Variants in ADK observed in about 807,000 individuals in gnomAD.
ADK encodes adenosine kinase, also known as N6,N6-dimethyladenosine kinase.
In ADK, 24 loss-of-function variants were observed where a neutral mutation model predicts 44.7. The ratio of observed to expected loss-of-function variants is 0.54; its 90% CI spans 0.39 to 0.76. The LOEUF (loss-of-function observed/expected upper bound fraction) is 0.76. Ranked by LOEUF, ADK falls within the 30% of genes least tolerant of loss-of-function variation. ADK has a pLI of 0.00. For synonymous variants in ADK, 128 were observed against 142.6 expected, an observed-to-expected ratio of 0.90 and a Z score of 0.73; for missense variants, 321 against 425.1, an observed-to-expected ratio of 0.76 and a Z score of 2.15.
At chr10:74,286,794 T>C (rs1174943669) in intron 3 of ADK, among the ~76,000 whole-genome samples, 1 of 152,230 alleles carries the variant, frequency 6.6e-6, no homozygotes, top group Admixed American at 6.5e-5. Context: ...GATTCGCATG[T>C]ATTATCACAC....
intron 6 of ADK, among the ~76,000 whole-genome samples, chr10:74,470,182 A>T (rs981205045): frequency 4.0e-5 from 6 of 151,654 alleles, no homozygotes; most frequent in African/African-American, 1.5e-4. Context: ...GCGCAACCAC[A>T]CCTGACTAAT....
At chr10:74,683,381 T>C (rs1855683761) in intron 10 of ADK, among the ~76,000 whole-genome samples, 1 of 152,176 alleles carries the variant, frequency 6.6e-6, no homozygotes, top group South Asian at 2.1e-4. Flanking sequence ...TGTCAAAACA[T>C]CCAAGGCCTC....
intron 4 of ADK, among the ~76,000 whole-genome samples, chr10:74,380,233 A>T (rs1418778536): frequency 6.6e-6 from 1 of 152,212 alleles, no homozygotes; most frequent in Non-Finnish European, 1.5e-5. Flanking sequence ...AAGTAACAGG[A>T]TGGTACCTGG....
intron 7 of ADK, among the ~76,000 whole-genome samples, chr10:74,575,932 A>G (rs1851168494): frequency 6.6e-6 from 1 of 152,164 alleles, no homozygotes; most frequent in South Asian, 2.1e-4. Flanking sequence ...ATTGGAAACA[A>G]GAGTTTTAGG....
At chr10:74,176,384 G>A (rs1842337368) in intron 1 of ADK, 2 of 922,748 alleles carry the variant, frequency 2.2e-6, no homozygotes, top group Non-Finnish European at 2.6e-6. Flanking sequence ...TCCCACTCCC[G>A]AAGACCTGCC....
chr10:74,306,851 T>C lies in ADK; in HGVS notation c.195-7816T>C, dbSNP rs372931125. On this transcript the variant is annotated intron_variant, in intron 3 of 10. Coordinates refer to ENST00000539909, the MANE Select transcript of ADK (RefSeq NM_006721.4). The stretch of plus-strand genomic sequence containing the variant: ...GAGGGTACCAAACTGACCTCAGAGG[T>C]TTCCAGGTTAATGCAGAGGTTTCTA... Among the ~76,000 whole-genome samples, 25 of 152,088 alleles carry C rather than the reference T, an allele frequency of 1.6e-4. 1 individual carries two copies. Among genetic ancestry groups the C allele is most frequent in the African/African-American group, 1.2e-4 (5 of 41,416 alleles).
At chr10:74,502,095 T>G (rs915174013) in intron 6 of ADK, among the ~76,000 whole-genome samples, 5 of 152,098 alleles carry the variant, frequency 3.3e-5, no homozygotes, top group Admixed American at 6.5e-5. Context: ...ATGAAAAAAC[T>G]AAAACTCATC....
chr10:74,307,290 C>T (rs1206679309), intron 3 of ADK, among the ~76,000 whole-genome samples: 2 of 152,196 alleles, frequency 1.3e-5, no homozygotes, highest in African/African-American at 2.4e-5. Flanking sequence ...CATTCAGTTT[C>T]AGAATTCAGC....
intron 7 of ADK, among the ~76,000 whole-genome samples, chr10:74,576,944 C>T (rs558953149): frequency 6.6e-6 from 1 of 152,126 alleles, no homozygotes; most frequent in Admixed American, 6.5e-5. Context: ...ATAATTGGCT[C>T]CTAAGATAAT....
intron 10 of ADK, among the ~76,000 whole-genome samples, chr10:74,694,982 G>A (rs115127522): frequency 0.017 from 2,641 of 151,464 alleles, 70 homozygotes; most frequent in African/African-American, 0.061. Context: ...GTGAGGTAAT[G>A]TTATTTTTCC....
intron 6 of ADK, among the ~76,000 whole-genome samples, chr10:74,484,633 T>C (rs140974690): frequency 6.6e-6 from 1 of 152,254 alleles, no homozygotes; most frequent in Non-Finnish European, 1.5e-5. Context: ...GGCAAGAATA[T>C]TCAAACTACT....
At chr10:74,162,624 A>T (rs1454984419) in intron 1 of ADK, among the ~76,000 whole-genome samples, 2 of 151,006 alleles carry the variant, frequency 1.3e-5, no homozygotes, top group African/African-American at 4.9e-5. Flanking sequence ...ACCTCACTGC[A>T]ACCTCCACCT....
At chr10:74,639,602 C>A (rs1056886176) in intron 9 of ADK, among the ~76,000 whole-genome samples, 4 of 152,086 alleles carry the variant, frequency 2.6e-5, no homozygotes, top group African/African-American at 9.7e-5. Context: ...TTTGGGAGGC[C>A]GAGGGGGGCA....
chr10:74,593,281 A>G (rs920071198), intron 8 of ADK, among the ~76,000 whole-genome samples: 6 of 152,188 alleles, frequency 3.9e-5, no homozygotes, highest in Admixed American at 6.5e-5. Flanking sequence ...TAGTCTTCTA[A>G]TTCTCTTCAT....
intron 4 of ADK, among the ~76,000 whole-genome samples, chr10:74,372,577 A>G (rs1842695380): frequency 2.0e-5 from 3 of 152,220 alleles, no homozygotes; most frequent in Admixed American, 6.5e-5. Context: ...GGGCAAATTG[A>G]AAATGAAGTT....
intron 2 of ADK, among the ~76,000 whole-genome samples, chr10:74,221,821 G>T (rs553903979): frequency 0.028 from 4,038 of 146,328 alleles, 210 homozygotes; most frequent in African/African-American, 0.1. Flanking sequence ...TAGCCATATG[G>T]AGAAAGCTGA....
chr10:74,163,922 A>T (rs998377024), intron 1 of ADK, among the ~76,000 whole-genome samples: 8 of 152,238 alleles, frequency 5.3e-5, no homozygotes, highest in East Asian at 1.9e-4. Context: ...GTTTTTTCTC[A>T]GCCCAGCTGA....
At chr10:74,236,721 T>G (rs1311990065) in intron 3 of ADK, among the ~76,000 whole-genome samples, 2 of 152,150 alleles carry the variant, frequency 1.3e-5, no homozygotes, top group African/African-American at 4.8e-5. Context: ...AATATCACAA[T>G]AAAGAGAAAT....
At position 74,547,430 on chromosome 10, in the gene ADK, T is replaced by TTATA. The variant is rs10596248; in HGVS notation, c.726+22018_726+22021dup. Among the ~76,000 whole-genome samples, 13 of 137,456 alleles carry TTATA rather than the reference T, an allele frequency of 9.5e-5. No homozygotes were observed. The East Asian group carries it at 1.2e-3, about 13-fold the overall frequency. The allele number at this position is 137,456 out of a possible 152,430, so 90.2% of individuals were successfully genotyped here. ...TAGATTTTACATCATTTTTCCCACTTTATATATATATATATATTTATTTAT... is the reference window on the plus strand; with the variant it reads ...TAGATTTTACATCATTTTTCCCACTTTATATATATATATATATATATTTATTTAT... On this transcript the variant is annotated intron_variant, in intron 7 of 10. Coordinates refer to ENST00000539909, the MANE Select transcript of ADK (RefSeq NM_006721.4).
Sources: gnomAD v4.1 joint callset for allele counts (sites outside exome capture counted in the v4.1 genomes callset) on GRCh38, gnomAD v4.1.1 for gene constraint, MANE v1.5 for transcripts, NCBI Gene and HGNC (gene_info 2026-07-23, HGNC 2026-07-21) for gene names.